UTY: variants seen among roughly 807,000 people sequenced by gnomAD.
UTY encodes ubiquitously transcribed tetratricopeptide repeat containing, Y-linked, also known as histone demethylase UTY.
UTY carries 12 observed loss-of-function variants against 32.5 expected under a neutral mutation model. That is an observed-to-expected ratio of 0.37 (90% CI 0.24 to 0.60). The LOEUF (loss-of-function observed/expected upper bound fraction) is 0.60. Among genes scored for constraint, UTY ranks in the 20% least tolerant of loss-of-function variants. The pLI is 0.69. For missense variants in UTY, 303 were observed against 299.2 expected, an observed-to-expected ratio of 1.01 and a Z score of -0.09; for synonymous variants, 131 against 103.4, an observed-to-expected ratio of 1.27 and a Z score of -1.62.
Position 13,356,035 on chromosome Y carries a change from TA to T in UTY, c.1570-18del. 1 of 350,166 alleles carries T rather than the reference TA, an allele frequency of 2.9e-6. No homozygotes were observed. The highest frequency in any genetic ancestry group is 4.0e-6 in the Non-Finnish European group (1 of 249,765). The allele number at this position is 350,166 out of a possible 400,897, so 87.3% of individuals were successfully genotyped here. On this transcript the variant is annotated intron_variant, in intron 15 of 29. Transcript: ENST00000545955. ...TTCCAAGTGCTAGAAGAAAAGAGATTAATATAATCAAAGTTTAATCTAAAAT... is the reference window on the plus strand; with the variant it reads ...TTCCAAGTGCTAGAAGAAAAGAGATTATATAATCAAAGTTTAATCTAAAAT...
chrY:13,469,916 A>G (rs2078318769), intron 3 of UTY, among the ~76,000 whole-genome samples: 2 of 33,923 alleles, frequency 5.9e-5, no homozygotes, highest in South Asian at 1.3e-3. Flanking sequence ...GTTTTACTCA[A>G]TAATCTAATT....
At chrY:13,311,557 T>C (rs1603369150) in intron 21 of UTY, among the ~76,000 whole-genome samples, 1 of 24,921 alleles carries the variant, frequency 4.0e-5, no homozygotes, top group Non-Finnish European at 9.2e-5. Flanking sequence ...ATCGCGCCAC[T>C]GCACTCCAGC....
intron 21 of UTY, among the ~76,000 whole-genome samples, chrY:13,322,134 A>G: frequency 3.0e-5 from 1 of 33,711 alleles, no homozygotes; most frequent in African/African-American, 1.2e-4. Flanking sequence ...CTGGAGGTCA[A>G]TGATATTAAC....
intron 17 of UTY, among the ~76,000 whole-genome samples, chrY:13,340,976 G>A (rs543174917): frequency 3.0e-5 from 1 of 32,989 alleles, no homozygotes; most frequent in South Asian, 6.9e-4. Flanking sequence ...AGTTTGCAAC[G>A]GTATTGAAAG....
chrY:13,318,308 G>T (rs959366083), intron 21 of UTY, among the ~76,000 whole-genome samples: 5 of 31,450 alleles, frequency 1.6e-4, no homozygotes, highest in Admixed American at 3.0e-4. Context: ...AGCTTAAAGA[G>T]AAATAATTTC....
At chrY:13,475,542 C>G in intron 2 of UTY, among the ~76,000 whole-genome samples, 1 of 33,865 alleles carries the variant, frequency 3.0e-5, no homozygotes, top group Non-Finnish European at 7.3e-5. Flanking sequence ...CAATCTATGT[C>G]AGAACAGATG....
chrY:13,386,869 T>G, intron 8 of UTY, among the ~76,000 whole-genome samples: 1 of 32,914 alleles, frequency 3.0e-5, no homozygotes. Flanking sequence ...TGTAATCCCA[T>G]GTGCCTGCAA....
At chrY:13,347,625 G>A (rs775049731) in intron 17 of UTY, among the ~76,000 whole-genome samples, 19 of 32,289 alleles carry the variant, frequency 5.9e-4, no homozygotes, top group African/African-American at 2.1e-3. Context: ...GGGAGGCTGA[G>A]GCAGGAGAAT....
intron 3 of UTY, among the ~76,000 whole-genome samples, chrY:13,461,485 T>C: frequency 3.0e-5 from 1 of 33,391 alleles, no homozygotes; most frequent in African/African-American, 1.2e-4. Flanking sequence ...GTGTGTGTAT[T>C]CCTCGCTTCC....
intron 27 of UTY, among the ~76,000 whole-genome samples, chrY:13,270,652 CTGTG>C (rs2056242405): frequency 5.6e-4 from 19 of 33,684 alleles, no homozygotes; most frequent in Non-Finnish European, 3.7e-4. Flanking sequence ...ACCCCTTTTG[CTGTG>C]TGTCTCTTGT....
intron 27 of UTY, among the ~76,000 whole-genome samples, chrY:13,274,117 T>C (rs2056511494): frequency 3.0e-5 from 1 of 33,215 alleles, no homozygotes; most frequent in African/African-American, 1.2e-4. Context: ...TTAGAAAGGG[T>C]TCTTACATAC....
At chrY:13,342,909 C>T in intron 17 of UTY, among the ~76,000 whole-genome samples, 3 of 33,376 alleles carry the variant, frequency 9.0e-5, no homozygotes, top group Non-Finnish European at 1.5e-4. Flanking sequence ...GAAGTTTAAA[C>T]GGGCAGCTGG....
chrY:13,360,093 T>C, intron 11 of UTY, 107 bp from the exon 12 acceptor site: 1 of 233,382 alleles, frequency 4.3e-6, no homozygotes, highest in Non-Finnish European at 6.8e-6. Context: ...TGGAGTGAAG[T>C]GGCATTTCCA....
At chrY:13,348,567 C>A (rs760394455) in intron 17 of UTY, among the ~76,000 whole-genome samples, 1 of 33,770 alleles carries the variant, frequency 3.0e-5, no homozygotes, top group African/African-American at 1.2e-4. Flanking sequence ...GTACAAACTG[C>A]CTGTATCACA....
At chrY:13,290,803 G>A (rs2057714814) in intron 27 of UTY, among the ~76,000 whole-genome samples, 1 of 33,206 alleles carries the variant, frequency 3.0e-5, no homozygotes, top group South Asian at 6.9e-4. Flanking sequence ...GACCTCAGGC[G>A]ATACACCTAC....
chrY:13,459,261 A>G (rs922040843), intron 3 of UTY, among the ~76,000 whole-genome samples: 6 of 32,873 alleles, frequency 1.8e-4, no homozygotes, highest in Non-Finnish European at 4.5e-4. Context: ...TCCATTTGCA[A>G]CCTATAAAGT....
At chrY:13,355,677 C>T (rs1249455136) in intron 16 of UTY, 1 of 353,176 alleles carries the variant, frequency 2.8e-6, no homozygotes, top group Admixed American at 1.1e-4. Context: ...TTTCAAATTT[C>T]CATTCAGTTT....
intron 3 of UTY, among the ~76,000 whole-genome samples, chrY:13,469,085 G>C: frequency 1.2e-4 from 4 of 33,256 alleles, no homozygotes; most frequent in Admixed American, 5.5e-4. Flanking sequence ...TCTTTGGTAT[G>C]AGAATATTGG....
chrY:13,408,240 T>C, intron 6 of UTY, among the ~76,000 whole-genome samples: 1 of 31,800 alleles, frequency 3.1e-5, no homozygotes, highest in Non-Finnish European at 7.8e-5. Context: ...TTATTACCAA[T>C]ATTACTAAGC....
Sources: gnomAD v4.1 joint callset for allele counts (sites outside exome capture counted in the v4.1 genomes callset) on GRCh38, gnomAD v4.1.1 for gene constraint, MANE v1.5 for transcripts, NCBI Gene and HGNC (gene_info 2026-07-23, HGNC 2026-07-21) for gene names.